RBM33: variants seen among roughly 807,000 people sequenced by gnomAD.
RBM33 encodes RNA-binding protein 33.
A neutral mutation model predicts 132.6 loss-of-function variants in RBM33; 28 were observed. The ratio of observed to expected loss-of-function variants is 0.21; its 90% CI spans 0.16 to 0.29. The LOEUF (loss-of-function observed/expected upper bound fraction) is 0.29, where lower values mean the gene tolerates loss of function less well. RBM33 is among the 10% of genes least tolerant of loss of function. The pLI is 1.00. For synonymous variants in RBM33, 634 were observed against 593.0 expected (o/e 1.07, Z -1.01); for missense variants, 1,291 against 1,518.5 (o/e 0.85, Z 2.49).
chr7:155,776,252 A>G lies in RBM33; in HGVS notation c.*1211A>G, dbSNP rs1369849123. On this transcript the variant is annotated 3_prime_UTR_variant, in exon 18 of 18. Transcript: ENST00000401878. The surrounding 1 kb of genome is among the most constrained non-coding windows in gnomAD (Gnocchi z 4.0). ...TTTCACTATTTTGGATATATTCTAA[A>G]GTGGACCTGAGCTATTTGAGCAAAT... is the stretch of plus-strand genomic sequence containing the variant. 3 of 152,670 alleles carry G rather than the reference A, an allele frequency of 2.0e-5. No homozygotes were observed. The highest frequency in any genetic ancestry group is 3.8e-4 in the East Asian group (2 of 5,206). The allele number at this position is 152,670 out of a possible 1,614,324, so 9.5% of individuals were successfully genotyped here.
chr7:155,685,504 A>G (rs539762785), intron 5 of RBM33, among the ~76,000 whole-genome samples: 4 of 152,290 alleles, frequency 2.6e-5, no homozygotes, highest in South Asian at 2.1e-4. Flanking sequence ...AAAGACCTGT[A>G]AATACCTGTG....
At chr7:155,763,787 C>CGT (rs1563181510) in intron 14 of RBM33, 25 bp from the exon 15 acceptor site, 1 of 1,591,588 alleles carries the variant, frequency 6.3e-7, no homozygotes, top group Admixed American at 1.8e-5. Flanking sequence ...CACTGAACAA[C>CGT]GTGCTGCCTT....
chr7:155,654,514 A>G (rs1013558947), intron 1 of RBM33, among the ~76,000 whole-genome samples: 5 of 151,894 alleles, frequency 3.3e-5, no homozygotes, highest in African/African-American at 9.7e-5. Flanking sequence ...CTTTCTGACT[A>G]CTTCTCTCTA....
chr7:155,653,773 G>C (rs138911209), intron 1 of RBM33, among the ~76,000 whole-genome samples: 4 of 152,266 alleles, frequency 2.6e-5, no homozygotes, highest in African/African-American at 7.2e-5. Flanking sequence ...CAGTAAGTAC[G>C]GTGTTTTCCT....
intron 9 of RBM33, among the ~76,000 whole-genome samples, chr7:155,723,598 A>G (rs1178946253): frequency 1.3e-5 from 2 of 152,172 alleles, no homozygotes; most frequent in Non-Finnish European, 1.5e-5. Flanking sequence ...GCTAAACACT[A>G]TGGTAACAGC....
chr7:155,691,288 G>A (rs563691659), intron 5 of RBM33, among the ~76,000 whole-genome samples: 3 of 152,230 alleles, frequency 2.0e-5, no homozygotes, highest in Admixed American at 1.3e-4. Context: ...CAGTCATCAC[G>A]TAGTTCTCGT....
chr7:155,775,195 G>T lies in RBM33; in HGVS notation c.*154G>T, dbSNP rs1208255279. On this transcript the variant is annotated 3_prime_UTR_variant, in exon 18 of 18. Coordinates refer to ENST00000401878, the MANE Select transcript of RBM33 (RefSeq NM_053043.3). Reference sequence around the variant, plus strand: ...CAGAGCGCCAGCCAGCCACGGGCCTGATTCCAGAGGAGCCGAACTGACAGG... The same window carrying T: ...CAGAGCGCCAGCCAGCCACGGGCCTTATTCCAGAGGAGCCGAACTGACAGG... The T allele has an allele frequency of 1.4e-6, 1 of 737,048 alleles. No homozygotes were observed. Among genetic ancestry groups the T allele is most frequent in the East Asian group, 2.7e-5 (1 of 37,562 alleles). The allele number at this position is 737,048 out of a possible 1,614,324, so 45.7% of individuals were successfully genotyped here. A position where few individuals can be genotyped will look rare whatever the true frequency, so the allele number is the denominator to read the frequency against.
chr7:155,699,470 G>A (rs1799896379), intron 5 of RBM33, among the ~76,000 whole-genome samples: 1 of 152,182 alleles, frequency 6.6e-6, no homozygotes, highest in South Asian at 2.1e-4. Context: ...GTGTGGTGCA[G>A]CACGTACCTT....
rs1225135429 is a variant in RBM33, at chr7:155,780,505, C to T, written c.*5464C>T. ...TGTTCATTTAGTAATGGGATCACCT[C>T]ACCATGCCATGCTCTGGGCTCTCCC... On this transcript the variant is annotated 3_prime_UTR_variant, in exon 18 of 18. Transcript: ENST00000401878. 6.6e-6 allele frequency: 1 copy of T among 152,430 alleles called. No individual in the cohort carries two copies. Among genetic ancestry groups the T allele is most frequent in the African/African-American group, 2.4e-5 (1 of 41,454 alleles). 9.4% of individuals were successfully genotyped at this position (152,430 alleles called of 1,614,324 possible). A position where few individuals can be genotyped will look rare whatever the true frequency, so the allele number is the denominator to read the frequency against.
At chr7:155,752,280 T>C (rs1221179641) in intron 14 of RBM33, among the ~76,000 whole-genome samples, 1 of 152,178 alleles carries the variant, frequency 6.6e-6, no homozygotes, top group African/African-American at 2.4e-5. Context: ...GTCTGTCCTG[T>C]CTTCTGGGCC....
intron 14 of RBM33, among the ~76,000 whole-genome samples, chr7:155,751,274 A>G (rs1439598979): frequency 6.6e-6 from 1 of 152,232 alleles, no homozygotes; most frequent in Non-Finnish European, 1.5e-5. Context: ...TTGCATGCAC[A>G]AAAACCTTCT....
intron 14 of RBM33, 99 bp from the exon 15 acceptor site, chr7:155,763,713 T>C: frequency 2.7e-6 from 3 of 1,100,146 alleles, no homozygotes; most frequent in Non-Finnish European, 4.1e-6. Context: ...TGGTTTTGCT[T>C]TGTGGGTGAA....
In RBM33 at chr7:155,773,668, A is replaced by T. The variant is rs570373748; in HGVS notation, c.3376-891A>T. 7.9e-5 allele frequency among the ~76,000 whole-genome samples: 12 copies of T among 151,298 alleles called. 1 individual carries two copies. In the South Asian group the frequency reaches 2.5e-3, roughly 32 times the overall value. On this transcript the variant is annotated intron_variant, in intron 16 of 17. Transcript: ENST00000401878. ...ACTGTGTCCTGAGGTAATTGAGAAG[A>T]ACCAGACTCTAGAGCTTTGAGTTGC... is the stretch of plus-strand genomic sequence containing the variant.
chr7:155,678,964 G>A (rs180854756), intron 4 of RBM33, among the ~76,000 whole-genome samples: 2 of 152,062 alleles, frequency 1.3e-5, no homozygotes, highest in South Asian at 4.1e-4. Flanking sequence ...TTGAGGTCAG[G>A]AGTTTGAGAC....
In RBM33 at chr7:155,780,782, A is replaced by ATCACCT. The variant is rs1554490931; in HGVS notation, c.*5741_*5742insTCACCT. The stretch of plus-strand genomic sequence containing the variant: ...TGACGATTTTCACACTGTGTTTACC[A>ATCACCT]CTCCATCACCTCTCAACCTTTGCTT... On this transcript the variant is annotated 3_prime_UTR_variant, in exon 18 of 18. Transcript: ENST00000401878. The ATCACCT allele has an allele frequency of 0.012, 1,842 of 150,700 alleles. 14 individuals carry two copies. Among genetic ancestry groups the ATCACCT allele is most frequent in the Non-Finnish European group, 0.019 (1,260 of 67,658 alleles). 9.3% of individuals were successfully genotyped at this position (150,700 alleles called of 1,614,324 possible).
intron 4 of RBM33, among the ~76,000 whole-genome samples, chr7:155,679,171 TA>T (rs942077163): frequency 1.7e-4 from 25 of 146,106 alleles, no homozygotes; most frequent in Admixed American, 4.1e-4. Context: ...AACGCCGTCT[TA>T]AAAAAAAAAA....
At chr7:155,706,230 G>A (rs539539430) in intron 6 of RBM33, among the ~76,000 whole-genome samples, 3 of 152,306 alleles carry the variant, frequency 2.0e-5, no homozygotes, top group South Asian at 2.1e-4. Flanking sequence ...GGTGGCTCAC[G>A]CCTGTAATCC....
rs769886440 is a variant in RBM33 at position 155,763,857 on chromosome 7, C to T, written c.3025C>T (p.Arg1009Trp). ...TTTTCACCCAGAAGGCCAGCCCCAGCGGCTTCCCCAGCCTCCGGAAGTGGG... is the reference window on the plus strand; with the variant it reads ...TTTTCACCCAGAAGGCCAGCCCCAGTGGCTTCCCCAGCCTCCGGAAGTGGG... ...GFFHPEGQPQRLPQPPEVGPQ... is the reference protein window; with the variant it reads ...GFFHPEGQPQWLPQPPEVGPQ... Residue 1009 changes from arginine (R) to tryptophan (W), a missense_variant, in exon 15 of 18, where the codon CGG becomes TGG. This residue lies in a region of RBM33 where 841 missense variants were observed against 912.0 expected (regional missense o/e 0.92). Transcript: ENST00000401878. The T allele has an allele frequency of 1.8e-5, 29 of 1,611,976 alleles. No individual in the cohort carries two copies. The highest frequency in any genetic ancestry group is 6.7e-5 in the African/African-American group (5 of 74,906).
intron 2 of RBM33, among the ~76,000 whole-genome samples, chr7:155,672,183 A>C (rs1212426758): frequency 2.0e-5 from 3 of 151,994 alleles, no homozygotes; most frequent in Admixed American, 6.6e-5. Context: ...CTAATCAATT[A>C]TATTGTGCAT....
Sources: gnomAD v4.1 joint callset for allele counts (sites outside exome capture counted in the v4.1 genomes callset) on GRCh38, gnomAD v4.1.1 for gene constraint, gnomAD v4.1.1 regional missense constraint, Gnocchi (gnomAD v3.1) non-coding constraint, MANE v1.5 for transcripts, NCBI Gene and HGNC (gene_info 2026-07-23, HGNC 2026-07-21) for gene names.